Variants in NBAS observed in about 807,000 individuals in gnomAD.
NBAS encodes the protein NBAS subunit of NRZ tethering complex.
A neutral mutation model predicts 302.5 loss-of-function variants in NBAS; 219 were observed. The observed-to-expected ratio is 0.72, with a 90% CI of 0.65 to 0.81. The LOEUF is 0.81. Ranked by LOEUF, NBAS falls within the 30% of genes least tolerant of loss-of-function variation. The probability of loss-of-function intolerance (pLI) is 0.00; values close to 1 mark genes in which losing one functional copy is unlikely to be tolerated. For synonymous variants in NBAS, 1,118 were observed against 1,021.6 expected (o/e 1.09, Z -1.80); for missense variants, 2,932 against 2,841.6 (o/e 1.03, Z -0.72).
chr2:15,503,887 T>G (rs1180986424), intron 11 of NBAS, among the ~76,000 whole-genome samples: 1 of 152,230 alleles, frequency 6.6e-6, no homozygotes, highest in Non-Finnish European at 1.5e-5. Context: ...CCTTGAGCTA[T>G]ATTCCCAGAT....
the NBAS span, among the ~76,000 whole-genome samples, chr2:15,046,128 C>G: frequency 1.3e-5 from 2 of 152,200 alleles, no homozygotes; most frequent in Non-Finnish European, 2.9e-5. Flanking sequence ...GACCTCAGCT[C>G]TCCAATGGTT....
chr2:15,001,419 G>A, the NBAS span, among the ~76,000 whole-genome samples: 2 of 152,014 alleles, frequency 1.3e-5, no homozygotes, highest in African/African-American at 4.8e-5. Context: ...CATATATAAT[G>A]TAAGATATTA....
chr2:15,532,085 T>C (rs889750903), intron 9 of NBAS, among the ~76,000 whole-genome samples: 2 of 152,122 alleles, frequency 1.3e-5, no homozygotes, highest in African/African-American at 4.8e-5. Context: ...AATGAATAAA[T>C]AAAAATGGAA....
At position 15,305,273 on chromosome 2, in the gene NBAS, G is replaced by C. The variant is rs568746962; in HGVS notation, c.4797+2943C>G. Reference sequence around the variant, plus strand: ...CATGAGATCTGATGGTTTTATAAGGGGCTCTTCCCGCTTTGCTTGGCATTT... The same window carrying C: ...CATGAGATCTGATGGTTTTATAAGGCGCTCTTCCCGCTTTGCTTGGCATTT... On this transcript the variant is annotated intron_variant, in intron 40 of 51. Transcript: ENST00000281513. Among the ~76,000 whole-genome samples, 89 of 151,940 alleles carry C rather than the reference G, an allele frequency of 5.9e-4. 1 individual carries two copies. The highest frequency in any genetic ancestry group is 3.7e-3 in the Admixed American group (56 of 15,274).
In NBAS at chr2:15,539,485, A is replaced by T. The variant is rs2058868; in HGVS notation, c.380-129T>A. Reference sequence around the variant, plus strand: ...GTCATCTCCTAAGGATCTCTAATAAAGCTTCCCTCAATAAAAAAGAGCAGT... The same window carrying T: ...GTCATCTCCTAAGGATCTCTAATAATGCTTCCCTCAATAAAAAAGAGCAGT... On this transcript the variant is annotated intron_variant, in intron 6 of 51. Transcript: ENST00000281513. 737,374 of 1,144,180 alleles carry T rather than the reference A, an allele frequency of 0.64. 242,037 individuals carry two copies. Among genetic ancestry groups the T allele is most frequent in the Non-Finnish European group, 0.67 (527,577 of 781,952 alleles). 70.9% of individuals were successfully genotyped at this position (1,144,180 alleles called of 1,614,324 possible). A position where few individuals can be genotyped will look rare whatever the true frequency, so the allele number is the denominator to read the frequency against.
intron 16 of NBAS, among the ~76,000 whole-genome samples, chr2:15,472,600 C>A (rs1459720147): frequency 6.6e-6 from 1 of 152,134 alleles, no homozygotes; most frequent in South Asian, 2.1e-4. Context: ...AAGCAGGCGT[C>A]CAGCTTTCCT....
At chr2:15,059,321 T>A in the NBAS span, among the ~76,000 whole-genome samples, 324 of 152,350 alleles carry the variant, frequency 2.1e-3, 1 homozygote, top group African/African-American at 7.3e-3. Flanking sequence ...CAGTAAATGT[T>A]CCTTGTTGAT....
intron 41 of NBAS, among the ~76,000 whole-genome samples, chr2:15,292,100 A>G (rs1317330381): frequency 6.6e-6 from 1 of 152,036 alleles, no homozygotes; most frequent in Non-Finnish European, 1.5e-5. Context: ...TCAGCCTCCC[A>G]AGTTGCTGGG....
chr2:15,380,662 ATT>A (rs2148376188), intron 29 of NBAS, among the ~76,000 whole-genome samples: 1 of 152,336 alleles, frequency 6.6e-6, no homozygotes, highest in East Asian at 1.9e-4. Context: ...TACTTCTATA[ATT>A]GAGATTTATA....
chr2:15,259,856 T>C (rs897818636), intron 44 of NBAS, among the ~76,000 whole-genome samples: 1 of 152,254 alleles, frequency 6.6e-6, no homozygotes, highest in Non-Finnish European at 1.5e-5. Context: ...TTTTTTGTTT[T>C]GGTGAAGCTG....
chr2:15,316,377 G>T (rs1671510597), intron 38 of NBAS, among the ~76,000 whole-genome samples: 1 of 152,226 alleles, frequency 6.6e-6, no homozygotes, highest in Non-Finnish European at 1.5e-5. Context: ...TGGTTGGACA[G>T]TGGGTGCAGC....
intron 21 of NBAS, among the ~76,000 whole-genome samples, chr2:15,453,903 G>A (rs10204568): frequency 2.6e-5 from 4 of 151,218 alleles, no homozygotes; most frequent in East Asian, 2.0e-4. Context: ...CTCAGCCTCT[G>A]GAGTAGTTGG....
chr2:15,196,515 A>C (rs1665626546), intron 48 of NBAS, among the ~76,000 whole-genome samples: 1 of 152,192 alleles, frequency 6.6e-6, no homozygotes, highest in Non-Finnish European at 1.5e-5. Context: ...AAATTTTGAA[A>C]AGGAGGATGA....
intron 44 of NBAS, among the ~76,000 whole-genome samples, chr2:15,253,961 G>A (rs773107669): frequency 3.9e-5 from 6 of 152,198 alleles, no homozygotes; most frequent in Non-Finnish European, 7.4e-5. Flanking sequence ...AAACTCAACC[G>A]CCTTTGTAAA....
intron 41 of NBAS, among the ~76,000 whole-genome samples, chr2:15,287,717 T>A (rs1411596440): frequency 2.0e-5 from 3 of 149,596 alleles, no homozygotes. Flanking sequence ...CGCATAGGCA[T>A]CCCAGGAATC....
chr2:15,072,246 G>GAA, the NBAS span, among the ~76,000 whole-genome samples: 1 of 152,124 alleles, frequency 6.6e-6, no homozygotes, highest in Non-Finnish European at 1.5e-5. Flanking sequence ...TACTCGCCTT[G>GAA]CTGTTTTAAT....
chr2:15,333,462 A>T (rs1275651272), intron 35 of NBAS, among the ~76,000 whole-genome samples: 1 of 152,204 alleles, frequency 6.6e-6, no homozygotes, highest in Admixed American at 6.5e-5. Context: ...AGTAACAATC[A>T]GATTTGTGTT....
intron 42 of NBAS, among the ~76,000 whole-genome samples, chr2:15,279,965 C>G (rs1669752856): frequency 6.6e-6 from 1 of 152,128 alleles, no homozygotes; most frequent in African/African-American, 2.4e-5. Context: ...CCACTGTGGA[C>G]TTTTCACTAA....
chr2:15,134,539 A>G, the NBAS span, among the ~76,000 whole-genome samples: 1 of 152,190 alleles, frequency 6.6e-6, no homozygotes, highest in East Asian at 1.9e-4. Context: ...AGGCAAGATG[A>G]TCCAGATGAT....
Sources: allele counts gnomAD v4.1 joint callset (sites outside exome capture counted in the v4.1 genomes callset), GRCh38; gene constraint gnomAD v4.1.1; transcripts MANE v1.5; gene names NCBI Gene and HGNC (gene_info 2026-07-23, HGNC 2026-07-21).